CTSB: variants seen among roughly 807,000 people sequenced by gnomAD.
CTSB encodes cathepsin B, also known as APP secretase.
In CTSB, 57 loss-of-function variants were observed where a neutral mutation model predicts 44.3. The ratio of observed to expected loss-of-function variants is 1.29; its 90% CI spans 1.04 to 1.60. CTSB has a LOEUF of 1.60. Among genes scored for constraint, CTSB ranks in the 40% most tolerant of loss-of-function variants. The probability of loss-of-function intolerance (pLI) is 0.00; values close to 1 mark genes in which losing one functional copy is unlikely to be tolerated. For missense variants in CTSB, 768 were observed against 443.0 expected (o/e 1.73, Z -6.59); for synonymous variants, 320 against 168.0 (o/e 1.91, Z -7.00).
At chr8:11,853,212 A>T in intron 2 of CTSB, 117 bp downstream of exon 2, 1 of 1,420,326 alleles carries the variant, frequency 7.0e-7, no homozygotes, top group South Asian at 1.3e-5. Context: ...GCCATTTTTC[A>T]ACAGTCCAGG....
At chr8:11,847,213 GCCT>G (rs747642510) in intron 7 of CTSB, 45 bp from the exon 8 acceptor site, 1 of 1,231,914 alleles carries the variant, frequency 8.1e-7, no homozygotes, top group Admixed American at 1.7e-5. Context: ...CAGTGACCGT[GCCT>G]CGTGGCACGC....
intron 1 of CTSB, among the ~76,000 whole-genome samples, chr8:11,865,143 C>A (rs186176572): frequency 1.3e-5 from 2 of 152,304 alleles, no homozygotes; most frequent in African/African-American, 4.8e-5. Flanking sequence ...CTAGACTCAA[C>A]TGCCTGTCAC....
intron 1 of CTSB, among the ~76,000 whole-genome samples, chr8:11,857,582 T>C (rs1258294315): frequency 6.6e-6 from 1 of 152,186 alleles, no homozygotes; most frequent in African/African-American, 2.4e-5. Flanking sequence ...CTGTGGTGGC[T>C]GAGAACACAG....
At chr8:11,867,724 G>A (rs900140654) in intron 1 of CTSB, 1 of 152,240 alleles carries the variant, frequency 6.6e-6, no homozygotes, top group Non-Finnish European at 1.5e-5. Context: ...GCCGGGGTCC[G>A]GCGCACAGCC....
intron 4 of CTSB, chr8:11,849,501 C>T (rs1398018057): frequency 6.6e-5 from 12 of 181,864 alleles, no homozygotes; most frequent in East Asian, 1.3e-4. Flanking sequence ...GAAGCACCCC[C>T]GTGAACCTCT....
Position 11,866,006 on chromosome 8 carries a change from G to C in CTSB, c.-26+1995C>G, listed in dbSNP as rs192252280. On this transcript the variant is annotated intron_variant, in intron 1 of 9. Coordinates refer to ENST00000353047, the MANE Select transcript of CTSB (RefSeq NM_001908.5). ...TGCACTCCAGCCTGAGCGATAGAGG[G>C]AGTGTGTCTCAAAAAAAAAAAAAAA... 9.1e-4 allele frequency among the ~76,000 whole-genome samples: 133 copies of C among 145,496 alleles called. 1 individual carries two copies. Among genetic ancestry groups the C allele is most frequent in the African/African-American group, 3.4e-3 (131 of 38,440 alleles).
intron 1 of CTSB, among the ~76,000 whole-genome samples, chr8:11,865,855 A>AAC (rs1348409435): frequency 6.7e-6 from 1 of 149,612 alleles, no homozygotes; most frequent in African/African-American, 2.5e-5. Context: ...AAAAATACAA[A>AAC]AAAAAAAAAA....
At chr8:11,857,675 C>A (rs901009226) in intron 1 of CTSB, among the ~76,000 whole-genome samples, 1 of 152,116 alleles carries the variant, frequency 6.6e-6, no homozygotes, top group South Asian at 2.1e-4. Flanking sequence ...GGCCCCCTCG[C>A]CACTTCACTA....
chr8:11,864,900 G>A (rs1287590264), intron 1 of CTSB, among the ~76,000 whole-genome samples: 2 of 63,566 alleles, frequency 3.1e-5, no homozygotes, highest in South Asian at 6.0e-4. Flanking sequence ...GTGACAGAGT[G>A]AAACTGTCTC....
At chr8:11,860,518 G>C (rs1212472403) in intron 1 of CTSB, among the ~76,000 whole-genome samples, 1 of 152,154 alleles carries the variant, frequency 6.6e-6, no homozygotes, top group Non-Finnish European at 1.5e-5. Flanking sequence ...CAACTACTCG[G>C]GAGGCTGAAG....
In CTSB at chr8:11,848,155, G is replaced by C. The variant is rs74531345; in HGVS notation, c.447-3C>G. 6.2e-7 allele frequency: 1 copy of C among 1,613,376 alleles called. No individual in the cohort carries two copies. ...CAGCAGGATAGCCACCATTACAGCT[G>C]AAAAGACAGCCTCTAATGAAAACCT... On this transcript the variant is annotated splice_region_variant and splice_polypyrimidine_tract_variant and intron_variant, in intron 5 of 9. Transcript: ENST00000353047.
rs199562268 is a variant in CTSB, at chr8:11,845,819, G to C, written c.794-30C>G. On this transcript the variant is annotated intron_variant, in intron 8 of 9. Transcript: ENST00000353047. ...AAAGGGAAGAACTGGCTGAGACCGA[G>C]ACCGGGCCACTGTCCCACGCCCCAC... 8.5e-5 allele frequency: 135 copies of C among 1,591,716 alleles called. No homozygotes were observed. In the African/African-American group the frequency reaches 1.4e-3, roughly 17 times the overall value.
At chr8:11,845,848 A>G in intron 8 of CTSB, 59 bp from the exon 9 acceptor site, 1 of 1,513,678 alleles carries the variant, frequency 6.6e-7, no homozygotes, top group South Asian at 1.3e-5. Flanking sequence ...GCCCCACAGC[A>G]CCCCCCACAC....
intron 7 of CTSB, 63 bp from the exon 8 acceptor site, chr8:11,847,231 G>A: frequency 9.9e-7 from 1 of 1,011,388 alleles, no homozygotes; most frequent in Admixed American, 1.7e-5. Context: ...GCACGCCACG[G>A]TCAGCCAGTC....
intron 1 of CTSB, chr8:11,867,525 T>C (rs561137082): frequency 4.6e-5 from 7 of 152,242 alleles, no homozygotes; most frequent in Non-Finnish European, 7.3e-5. Flanking sequence ...GCCAGGCAAA[T>C]CCTTCGCAAT....
chr8:11,852,985 G>C (rs997845592), intron 2 of CTSB, among the ~76,000 whole-genome samples: 1 of 152,160 alleles, frequency 6.6e-6, no homozygotes, highest in Non-Finnish European at 1.5e-5. Flanking sequence ...GAGACAAAGG[G>C]AATCAGGGGC....
chr8:11,866,731 G>A (rs993001231), intron 1 of CTSB, among the ~76,000 whole-genome samples: 6 of 152,150 alleles, frequency 3.9e-5, no homozygotes, highest in Admixed American at 1.3e-4. Flanking sequence ...GTGGTGGCGG[G>A]CACCTGTAAT....
Position 11,845,009 on chromosome 8 carries a change from G to T in CTSB, c.*116C>A. ...CCTTGGAAGACAGGTCTGATGTTTG[G>T]CCAATCCAGTCCTTCAGACCCTGTC... On this transcript the variant is annotated 3_prime_UTR_variant, in exon 10 of 10. Coordinates refer to ENST00000353047, the MANE Select transcript of CTSB (RefSeq NM_001908.5). 1.4e-6 allele frequency: 1 copy of T among 711,788 alleles called. No individual in the cohort carries two copies. The highest frequency in any genetic ancestry group is 1.7e-5 in the South Asian group (1 of 60,288). The allele number at this position is 711,788 out of a possible 1,614,324, so 44.1% of individuals were successfully genotyped here.
chr8:11,860,365 G>A (rs560723550), intron 1 of CTSB, among the ~76,000 whole-genome samples: 1 of 152,300 alleles, frequency 6.6e-6, no homozygotes, highest in South Asian at 2.1e-4. Context: ...GCACACACCT[G>A]TAATCCCAGC....
Sources: allele counts gnomAD v4.1 joint callset (sites outside exome capture counted in the v4.1 genomes callset), GRCh38; gene constraint gnomAD v4.1.1; transcripts MANE v1.5; gene names NCBI Gene and HGNC (gene_info 2026-07-23, HGNC 2026-07-21).